The following RELT variants were observed in gnomAD, a reference collection of about 807,000 sequenced individuals.
RELT encodes the protein RELT TNF receptor.
In RELT, 37 loss-of-function variants were observed where a neutral mutation model predicts 51.1. The observed-to-expected ratio is 0.72, with a 90% CI of 0.56 to 0.95. RELT has a LOEUF of 0.95. Ranked by LOEUF, RELT falls within the 40% of genes least tolerant of loss-of-function variation. The probability of loss-of-function intolerance (pLI) is 0.00; values close to 1 mark genes in which losing one functional copy is unlikely to be tolerated. For missense variants in RELT, 535 were observed against 572.6 expected, an observed-to-expected ratio of 0.93 and a Z score of 0.67; for synonymous variants, 241 against 235.7, an observed-to-expected ratio of 1.02 and a Z score of -0.21.
intron 6 of RELT, chr11:73,392,854 C>T: frequency 8.9e-7 from 1 of 1,129,852 alleles, no homozygotes; most frequent in Non-Finnish European, 1.1e-6. Flanking sequence ...GGCAGGAGGG[C>T]TGGCAGGGCA....
At chr11:73,376,777 G>C (rs2134433122) in intron 1 of RELT, 1 of 152,134 alleles carries the variant, frequency 6.6e-6, no homozygotes, top group South Asian at 2.1e-4. Context: ...GGTGGCTGTC[G>C]GGGGGCGCGC....
At chr11:73,386,756 G>A (rs1301014990) in intron 1 of RELT, among the ~76,000 whole-genome samples, 1 of 152,178 alleles carries the variant, frequency 6.6e-6, no homozygotes, top group Non-Finnish European at 1.5e-5. Context: ...CAGCTGCACA[G>A]CTGCTCCCTG....
rs1866305682 is a variant in RELT, at chr11:73,395,553, G to A, written c.*62G>A. On this transcript the variant is annotated 3_prime_UTR_variant, in exon 11 of 11. Transcript: ENST00000064780. ...TGGGAGGTTCCGAAGGCTTCCTGGA[G>A]GAGGTGGAGCTGCAGCTGGGACTGT... is the stretch of plus-strand genomic sequence containing the variant. The A allele has an allele frequency of 1.3e-6, 1 of 779,958 alleles. No individual in the cohort carries two copies. The highest frequency in any genetic ancestry group is 1.7e-5 in the African/African-American group (1 of 59,248). The allele number at this position is 779,958 out of a possible 1,614,324, so 48.3% of individuals were successfully genotyped here.
At chr11:73,386,447 T>C (rs189483679) in intron 1 of RELT, among the ~76,000 whole-genome samples, 1 of 151,894 alleles carries the variant, frequency 6.6e-6, no homozygotes, top group Non-Finnish European at 1.5e-5. Context: ...TGGGGCAGGG[T>C]GTGAGGGGTG....
chr11:73,386,415 G>A (rs920828991), intron 1 of RELT, among the ~76,000 whole-genome samples: 5 of 152,048 alleles, frequency 3.3e-5, no homozygotes, highest in Non-Finnish European at 7.4e-5. Context: ...TTCCAGGGCC[G>A]TTTTAGACAG....
Position 73,394,159 on chromosome 11 carries a change from G to A in RELT, c.707-77G>A. The A allele has an allele frequency of 1.5e-6, 2 of 1,337,656 alleles. No individual in the cohort carries two copies. The highest frequency in any genetic ancestry group is 1.3e-5 in the South Asian group (1 of 79,178). 82.9% of individuals were successfully genotyped at this position (1,337,656 alleles called of 1,614,324 possible). ...AGTGGTGGTATGGAGGGTAGGTGGG[G>A]GGTTCTCTGCTGGGGCAGGGGGTGG... On this transcript the variant is annotated intron_variant, in intron 7 of 10. Transcript: ENST00000064780. This position sits in a 1 kb window ranked among gnomAD's most constrained non-coding sequence, Gnocchi z 4.9.
At chr11:73,391,071 AGG>A in intron 4 of RELT, 71 bp from the exon 5 acceptor site, 24 of 1,542,184 alleles carry the variant, frequency 1.6e-5, no homozygotes, top group Non-Finnish European at 2.1e-5. Context: ...CCTGGTAGGA[AGG>A]AATCCAGCCT....
intron 1 of RELT, among the ~76,000 whole-genome samples, chr11:73,385,977 G>C (rs1866117213): frequency 6.6e-6 from 1 of 152,254 alleles, no homozygotes; most frequent in Non-Finnish European, 1.5e-5. Flanking sequence ...AGTGAGCTGT[G>C]ATCGTGCTAC....
At position 73,397,117 on chromosome 11, in the gene RELT, A is replaced by G. The variant is rs985991995; in HGVS notation, c.*1626A>G. On this transcript the variant is annotated 3_prime_UTR_variant, in exon 11 of 11. Transcript: ENST00000064780. Reference sequence around the variant, plus strand: ...GTGGCCAGCAGCTACCACACTGGTCAGCGCAGCACCTGAGGAAATGCACTG... The same window carrying G: ...GTGGCCAGCAGCTACCACACTGGTCGGCGCAGCACCTGAGGAAATGCACTG... The G allele has an allele frequency of 2.6e-5, 4 of 152,284 alleles. No homozygotes were observed. Among genetic ancestry groups the G allele is most frequent in the African/African-American group, 7.2e-5 (3 of 41,482 alleles). 9.4% of individuals were successfully genotyped at this position (152,284 alleles called of 1,614,324 possible). A position where few individuals can be genotyped will look rare whatever the true frequency, so the allele number is the denominator to read the frequency against.
chr11:73,394,342 G>A lies in RELT; in HGVS notation c.788+25G>A, dbSNP rs201330635. 1.0e-4 allele frequency: 169 copies of A among 1,612,328 alleles called. No individual in the cohort carries two copies. The highest frequency in any genetic ancestry group is 7.1e-4 in the East Asian group (32 of 44,866). On this transcript the variant is annotated intron_variant, in intron 8 of 10. Transcript: ENST00000064780. This position sits in a 1 kb window ranked among gnomAD's most constrained non-coding sequence, Gnocchi z 4.9. ...AGTGAGTGGGCTGGTGGGAGATAAC[G>A]GGGCCAAAACCTACATTAACCAGCC...
At chr11:73,378,573 C>T (rs1866004346) in intron 1 of RELT, among the ~76,000 whole-genome samples, 1 of 152,166 alleles carries the variant, frequency 6.6e-6, no homozygotes, top group Non-Finnish European at 1.5e-5. Context: ...AGAGGATCAC[C>T]CACCTTCCTA....
intron 1 of RELT, among the ~76,000 whole-genome samples, chr11:73,379,885 G>A (rs1252500644): frequency 1.3e-5 from 2 of 152,212 alleles, no homozygotes; most frequent in African/African-American, 4.8e-5. Flanking sequence ...TTCCTTCCAA[G>A]GCCTTTCAGA....
intron 6 of RELT, chr11:73,393,178 T>C (rs1866247222): frequency 3.0e-6 from 3 of 1,000,224 alleles, no homozygotes; most frequent in Non-Finnish European, 3.6e-6. Flanking sequence ...CACTGAAGTC[T>C]GGCGGGGGCA....
chr11:73,377,555 G>A (rs548839552), intron 1 of RELT, among the ~76,000 whole-genome samples: 1 of 152,044 alleles, frequency 6.6e-6, no homozygotes, highest in Admixed American at 6.5e-5. Flanking sequence ...GGGCCCTGTG[G>A]TAGTCTCAGC....
chr11:73,388,736 G>C lies in RELT; in HGVS notation c.-25-376G>C. Reference sequence around the variant, plus strand: ...AGTGTGGAGGCCGGGCTGGGGTGTTGGGTGTTGGTTGCAACCCTGTCATCA... The same window carrying C: ...AGTGTGGAGGCCGGGCTGGGGTGTTCGGTGTTGGTTGCAACCCTGTCATCA... On this transcript the variant is annotated intron_variant, in intron 1 of 10. Transcript: ENST00000064780. This position sits in a 1 kb window ranked among gnomAD's most constrained non-coding sequence, Gnocchi z 4.1. 6.6e-6 allele frequency among the ~76,000 whole-genome samples: 1 copy of C among 152,222 alleles called. No individual in the cohort carries two copies.
intron 5 of RELT, 165 bp from the exon 6 acceptor site, chr11:73,392,046 A>C (rs1866223277): frequency 2.6e-6 from 2 of 779,102 alleles, no homozygotes; most frequent in South Asian, 3.6e-5. Flanking sequence ...AAGGGAAAAC[A>C]GGAGGGCAGT....
intron 6 of RELT, chr11:73,393,333 C>T: frequency 9.6e-7 from 1 of 1,046,600 alleles, no homozygotes; most frequent in Non-Finnish European, 1.2e-6. Flanking sequence ...CTGTTTGCTG[C>T]TGGGCCCAGG....
rs752780169 is a variant in RELT at position 73,392,291 on chromosome 11, G to A, written c.448G>A (p.Gly150Ser). The change falls in exon 6 of 11, where the codon GGC (glycine) becomes AGC (serine). Residue 150 changes from glycine to serine, a missense_variant. By Grantham distance (56) the Gly-to-Ser change is moderately conservative. Coordinates refer to ENST00000064780, the MANE Select transcript of RELT (RefSeq NM_152222.2). ...SGGETRQPGN[G>S]TRAGGPEETA... ...TGGTGAGACACGGCAGCCTGGGAAC[G>A]GCACCCGGGCAGGTGGCCCAGAGGA... 2.5e-6 allele frequency: 4 copies of A among 1,613,206 alleles called. No homozygotes were observed. The highest frequency in any genetic ancestry group is 1.6e-4 in the Middle Eastern group (1 of 6,062).
Position 73,388,539 on chromosome 11 carries a change from G to T in RELT, c.-25-573G>T, listed in dbSNP as rs1041003701. ...CTGTGGGAGCCAGACCCACTTTGGG[G>T]AAAGCTTCTAGAGAAGCTTCTGGAA... On this transcript the variant is annotated intron_variant, in intron 1 of 10. Transcript: ENST00000064780. The surrounding 1 kb of genome is among the most constrained non-coding windows in gnomAD (Gnocchi z 4.1). Among the ~76,000 whole-genome samples, 3 of 152,224 alleles carry T rather than the reference G, an allele frequency of 2.0e-5. No individual in the cohort carries two copies. The highest frequency in any genetic ancestry group is 4.4e-5 in the Non-Finnish European group (3 of 68,030).
Sources: gnomAD v4.1 joint callset for allele counts (sites outside exome capture counted in the v4.1 genomes callset) on GRCh38, gnomAD v4.1.1 for gene constraint, Gnocchi (gnomAD v3.1) non-coding constraint, MANE v1.5 for transcripts, NCBI Gene and HGNC (gene_info 2026-07-23, HGNC 2026-07-21) for gene names.